The following NEDD4L variants were observed in gnomAD, a reference collection of about 807,000 sequenced individuals.
NEDD4L encodes the protein E3 ubiquitin-protein ligase NEDD4-like.
In NEDD4L, 54 loss-of-function variants were observed where a neutral mutation model predicts 148.9. The ratio of observed to expected loss-of-function variants is 0.36; its 90% CI spans 0.29 to 0.45. The LOEUF is 0.45. Among genes scored for constraint, NEDD4L ranks in the 20% least tolerant of loss-of-function variants. NEDD4L has a pLI of 1.00. For missense variants in NEDD4L, 856 were observed against 1,233.8 expected, an observed-to-expected ratio of 0.69 and a Z score of 4.59; for synonymous variants, 433 against 440.7, an observed-to-expected ratio of 0.98 and a Z score of 0.22.
At chr18:58,226,997 A>G (rs2044438822) in intron 2 of NEDD4L, among the ~76,000 whole-genome samples, 1 of 152,190 alleles carries the variant, frequency 6.6e-6, no homozygotes, top group Non-Finnish European at 1.5e-5. Context: ...ATTTCCTTCA[A>G]GTGGCTACTC....
intron 2 of NEDD4L, among the ~76,000 whole-genome samples, chr18:58,179,613 C>T (rs1028117121): frequency 2.6e-5 from 4 of 152,178 alleles, no homozygotes; most frequent in South Asian, 4.2e-4. Context: ...CGCTGCCTCT[C>T]GGATCAGCCA....
intron 2 of NEDD4L, among the ~76,000 whole-genome samples, chr18:58,217,077 T>A (rs2043220457): frequency 6.6e-6 from 1 of 152,226 alleles, no homozygotes; most frequent in African/African-American, 2.4e-5. Context: ...CTTTCCCCCT[T>A]CTTGATGAAA....
rs769045572 is a variant in NEDD4L, at chr18:58,364,253, AAATT to A, written c.1768-14_1768-11del. The A allele has an allele frequency of 6.7e-7, 1 of 1,484,606 alleles. No individual in the cohort carries two copies. Among genetic ancestry groups the A allele is most frequent in the African/African-American group, 1.4e-5 (1 of 71,688 alleles). The allele number at this position is 1,484,606 out of a possible 1,614,324, so 92.0% of individuals were successfully genotyped here. ...TATTGTTTGCATTATCTATATTTAT[AAATT>A]TATCTTCCAGGCTGTCCCTTACTCC... On this transcript the variant is annotated splice_polypyrimidine_tract_variant and intron_variant, in intron 19 of 30. Coordinates refer to ENST00000400345, the MANE Select transcript of NEDD4L (RefSeq NM_001144967.3).
chr18:58,226,817 G>C (rs953309947), intron 2 of NEDD4L, among the ~76,000 whole-genome samples: 2 of 151,994 alleles, frequency 1.3e-5, no homozygotes, highest in Non-Finnish European at 2.9e-5. Context: ...GGCAGAGCTA[G>C]AAAACAAACC....
In NEDD4L at chr18:58,400,913, C is replaced by T. The variant is rs1048920728; in HGVS notation, c.*4644C>T. ...TGTATGTAATATATATACATATATACGTACATATGCTGTCCAAATATATTT... is the reference window on the plus strand; with the variant it reads ...TGTATGTAATATATATACATATATATGTACATATGCTGTCCAAATATATTT... On this transcript the variant is annotated 3_prime_UTR_variant, in exon 31 of 31. Coordinates refer to ENST00000400345, the MANE Select transcript of NEDD4L (RefSeq NM_001144967.3). 2.0e-5 allele frequency: 3 copies of T among 152,104 alleles called. No homozygotes were observed. Among genetic ancestry groups the T allele is most frequent in the African/African-American group, 4.8e-5 (2 of 41,400 alleles). 9.4% of individuals were successfully genotyped at this position (152,104 alleles called of 1,614,324 possible). A position where few individuals can be genotyped will look rare whatever the true frequency, so the allele number is the denominator to read the frequency against.
In NEDD4L at chr18:58,256,787, C is replaced by A; in HGVS notation, c.297+4733C>A. 1.6e-6 allele frequency: 2 copies of A among 1,231,708 alleles called. No homozygotes were observed. Among genetic ancestry groups the A allele is most frequent in the South Asian group, 8.2e-5 (2 of 24,316 alleles). 76.3% of individuals were successfully genotyped at this position (1,231,708 alleles called of 1,614,324 possible). On this transcript the variant is annotated intron_variant, in intron 5 of 30. Transcript: ENST00000400345. The surrounding 1 kb of genome is among the most constrained non-coding windows in gnomAD (Gnocchi z 5.2). ...AGCTGACACCACGGTAAGTTCACAG[C>A]GTGTTTACATGTGTTTACTGATTTC...
At chr18:58,126,874 T>A (rs1213840301) in intron 1 of NEDD4L, among the ~76,000 whole-genome samples, 1 of 152,214 alleles carries the variant, frequency 6.6e-6, no homozygotes, top group South Asian at 2.1e-4. Context: ...CCCTGCAGAC[T>A]CTCACTCTGC....
At chr18:58,245,301 T>C (rs2047125036) in intron 2 of NEDD4L, 126 bp from the exon 3 acceptor site, 1 of 536,180 alleles carries the variant, frequency 1.9e-6, no homozygotes, top group African/African-American at 1.9e-5. Context: ...AAAAGGTTAT[T>C]GCTTAGTTTG....
At chr18:58,191,974 C>T (rs1013119091) in intron 2 of NEDD4L, among the ~76,000 whole-genome samples, 12 of 152,060 alleles carry the variant, frequency 7.9e-5, no homozygotes, top group African/African-American at 2.9e-4. Context: ...AGTTTGAGAC[C>T]AGTCTGGGTA....
intron 2 of NEDD4L, among the ~76,000 whole-genome samples, chr18:58,198,964 G>A (rs1367941576): frequency 6.6e-6 from 1 of 152,102 alleles, no homozygotes; most frequent in Non-Finnish European, 1.5e-5. Flanking sequence ...GCTAATGTTT[G>A]TATTTTTAGT....
chr18:58,076,612 TG>T (rs33913403), intron 1 of NEDD4L, among the ~76,000 whole-genome samples: 6,448 of 152,150 alleles, frequency 0.042, 450 homozygotes, highest in African/African-American at 0.14. Context: ...CTTTGAGTAG[TG>T]GGTAAACTGA....
intron 13 of NEDD4L, among the ~76,000 whole-genome samples, chr18:58,337,068 T>C (rs2144978797): frequency 6.6e-6 from 1 of 152,266 alleles, no homozygotes; most frequent in Middle Eastern, 3.4e-3. Context: ...ATCATTGCAG[T>C]ACCAGGCTCC....
intron 19 of NEDD4L, among the ~76,000 whole-genome samples, chr18:58,363,240 G>A (rs867274687): frequency 2.1e-4 from 32 of 152,266 alleles, no homozygotes; most frequent in Middle Eastern, 6.8e-3. Context: ...CATTTCTTCT[G>A]TTTCTGGTCA....
intron 5 of NEDD4L, among the ~76,000 whole-genome samples, chr18:58,267,756 C>T (rs2050425273): frequency 6.6e-6 from 1 of 152,062 alleles, no homozygotes; most frequent in South Asian, 2.1e-4. Flanking sequence ...CACTTTTGCA[C>T]CAGCGAGTCT....
At chr18:58,096,396 AT>A (rs2084409148) in intron 1 of NEDD4L, among the ~76,000 whole-genome samples, 155 of 126,032 alleles carry the variant, frequency 1.2e-3, no homozygotes, top group Non-Finnish European at 1.7e-3. Context: ...ATTTTATTTT[AT>A]TTTATTTTAT....
intron 24 of NEDD4L, among the ~76,000 whole-genome samples, chr18:58,378,961 C>T (rs1450084472): frequency 6.6e-6 from 1 of 152,194 alleles, no homozygotes; most frequent in African/African-American, 2.4e-5. Context: ...ATGCTGGGGC[C>T]AGTAGACTTA....
At chr18:58,183,454 A>G (rs1361946441) in intron 2 of NEDD4L, among the ~76,000 whole-genome samples, 1 of 152,216 alleles carries the variant, frequency 6.6e-6, no homozygotes. Flanking sequence ...GCCGGTTCTT[A>G]AAGTGTTTCT....
At chr18:58,343,152 A>G (rs1188694962) in intron 16 of NEDD4L, 49 bp downstream of exon 16, 9 of 1,491,520 alleles carry the variant, frequency 6.0e-6, no homozygotes, top group Non-Finnish European at 8.2e-6. Context: ...GAAGTCTGGC[A>G]TTAATTCCTT....
At position 58,373,289 on chromosome 18, in the gene NEDD4L, G is replaced by A. The variant is rs1372760884; in HGVS notation, c.2352+20G>A. 2 of 1,439,762 alleles carry A rather than the reference G, an allele frequency of 1.4e-6. No homozygotes were observed. Among genetic ancestry groups the A allele is most frequent in the South Asian group, 1.2e-5 (1 of 82,038 alleles). The allele number at this position is 1,439,762 out of a possible 1,614,324, so 89.2% of individuals were successfully genotyped here. A position where few individuals can be genotyped will look rare whatever the true frequency, so the allele number is the denominator to read the frequency against. On this transcript the variant is annotated intron_variant, in intron 24 of 30. Coordinates refer to ENST00000400345, the MANE Select transcript of NEDD4L (RefSeq NM_001144967.3). ...GGACAGGTACATGTGGGTAACCCTG[G>A]GAACTCTTCTTTAGCTTTCAAGGGG...
Sources: allele counts gnomAD v4.1 joint callset (sites outside exome capture counted in the v4.1 genomes callset), GRCh38; gene constraint gnomAD v4.1.1; non-coding constraint Gnocchi (gnomAD v3.1); transcripts MANE v1.5; gene names NCBI Gene and HGNC (gene_info 2026-07-23, HGNC 2026-07-21).